KAZN: variants seen among roughly 807,000 people sequenced by gnomAD.
The protein encoded by KAZN is kazrin, periplakin interacting protein.
Under a neutral mutation model 87.4 loss-of-function variants are expected in KAZN, and 40 were observed. The observed-to-expected ratio is 0.46, with a 90% confidence interval of 0.36 to 0.60. KAZN has a LOEUF of 0.60. KAZN is among the 20% of genes least tolerant of loss of function. The pLI is 0.00. For missense variants in KAZN, 898 were observed against 1,073.9 expected (o/e 0.84, Z 2.29); for synonymous variants, 466 against 458.3 (o/e 1.02, Z -0.22).
chr1:14,057,315 A>G (rs1039196327), intron 1 of KAZN, among the ~76,000 whole-genome samples: 1 of 152,080 alleles, frequency 6.6e-6, no homozygotes, highest in African/African-American at 2.4e-5. Context: ...TTATATTTTT[A>G]GTAGAGACGG....
chr1:14,687,604 G>C (rs145681878), intron 1 of KAZN, among the ~76,000 whole-genome samples: 1 of 152,186 alleles, frequency 6.6e-6, no homozygotes, highest in Non-Finnish European at 1.5e-5. Flanking sequence ...AAGACACAAG[G>C]GGGGAGGATA....
At chr1:14,942,457 G>A (rs559710269) in intron 1 of KAZN, among the ~76,000 whole-genome samples, 6 of 152,190 alleles carry the variant, frequency 3.9e-5, no homozygotes, top group South Asian at 2.1e-4. Flanking sequence ...CTTCCGACCC[G>A]CTCCAAACGT....
intron 8 of KAZN, among the ~76,000 whole-genome samples, chr1:15,071,464 A>G (rs974062227): frequency 4.6e-5 from 7 of 152,120 alleles, no homozygotes; most frequent in African/African-American, 1.7e-4. Context: ...CATGTTGGCC[A>G]GGCTGATTTT....
chr1:14,294,082 G>T (rs1289888454), intron 2 of KAZN, among the ~76,000 whole-genome samples: 2 of 152,146 alleles, frequency 1.3e-5, no homozygotes, highest in Non-Finnish European at 2.9e-5. Context: ...TTACAGATGA[G>T]ATAACCAAAG....
chr1:15,030,333 T>A (rs887380178), intron 2 of KAZN, among the ~76,000 whole-genome samples: 1 of 152,180 alleles, frequency 6.6e-6, no homozygotes, highest in African/African-American at 2.4e-5. Context: ...AGTGGTGCAA[T>A]CTCGGCTCGC....
chr1:13,895,032 T>C (rs2697978), intron 1 of KAZN, among the ~76,000 whole-genome samples: 132,792 of 152,194 alleles, frequency 0.87, 58,318 homozygotes, highest in African/African-American at 0.97. Context: ...TGTAAAACGG[T>C]GCTACTAGGC....
intron 1 of KAZN, among the ~76,000 whole-genome samples, chr1:14,102,643 C>T (rs1644282798): frequency 6.6e-6 from 1 of 152,168 alleles, no homozygotes; most frequent in South Asian, 2.1e-4. Context: ...TTATCGTCTC[C>T]CATCCTGGTG....
At chr1:14,550,943 C>T (rs1406687020) in intron 2 of KAZN, among the ~76,000 whole-genome samples, 1 of 151,736 alleles carries the variant, frequency 6.6e-6, no homozygotes, top group East Asian at 1.9e-4. Flanking sequence ...GCAGTCTCCC[C>T]TCAATCCTTG....
chr1:14,685,255 T>A (rs1050447799), intron 1 of KAZN, among the ~76,000 whole-genome samples: 2 of 152,178 alleles, frequency 1.3e-5, no homozygotes, highest in East Asian at 1.9e-4. Context: ...GGAGCTGGTA[T>A]AGAGCATGCT....
At chr1:13,964,701 C>T (rs963112035) in intron 1 of KAZN, among the ~76,000 whole-genome samples, 2 of 152,164 alleles carry the variant, frequency 1.3e-5, no homozygotes, top group African/African-American at 4.8e-5. Flanking sequence ...ATCCCTTTTG[C>T]CGCATTCTGT....
chr1:14,967,687 T>C (rs1664611546), intron 2 of KAZN, among the ~76,000 whole-genome samples: 1 of 152,152 alleles, frequency 6.6e-6, no homozygotes, highest in African/African-American at 2.4e-5. Context: ...ATGTGGGGCC[T>C]TGACACACCG....
rs1449059487 is a variant in KAZN, at chr1:14,087,643, TGA to T, written c.92-92788_92-92787del. ...AAGTTCCTTTCTATTCTTATTTTGC[TGA>T]GAGTTTTTTTTATCAAGAGTGGCTG... is the stretch of plus-strand genomic sequence containing the variant. On this transcript the variant is annotated intron_variant, in intron 1 of 16. Coordinates refer to the KAZN transcript ENST00000636203. Among the ~76,000 whole-genome samples, 991 of 152,202 alleles carry T rather than the reference TGA, an allele frequency of 6.5e-3. 10 individuals carry two copies. The South Asian group carries it at 0.066, about 10-fold the overall frequency.
At chr1:14,736,574 G>T (rs1334261744) in intron 1 of KAZN, among the ~76,000 whole-genome samples, 1 of 132,904 alleles carries the variant, frequency 7.5e-6, no homozygotes, top group Non-Finnish European at 1.7e-5. Context: ...GCCTCCCAAA[G>T]TGCTGGGATT....
intron 1 of KAZN, among the ~76,000 whole-genome samples, chr1:14,792,738 G>A (rs1645713979): frequency 1.3e-5 from 2 of 152,196 alleles, no homozygotes; most frequent in South Asian, 2.1e-4. Context: ...AGCACTTTGG[G>A]AGGCCGAGGT....
rs1190665718 is a variant in KAZN, at chr1:14,948,077, T to TTGAAGAAAGAATAAGGTAGCCTTCAA, written c.227-12606_227-12581dup. On this transcript the variant is annotated intron_variant, in intron 1 of 14. Coordinates refer to ENST00000376030, the MANE Select transcript of KAZN (RefSeq NM_201628.3). ...TTGTCCATTTTTGCTCATCCAGTTT[T>TTGAAGAAAGAATAAGGTAGCCTTCAA]TGAAGAAAGAATAAGGTAGCCTTCA... Among the ~76,000 whole-genome samples the TTGAAGAAAGAATAAGGTAGCCTTCAA allele has an allele frequency of 3.9e-5, 6 of 152,318 alleles. No individual in the cohort carries two copies. In the South Asian group the frequency reaches 1.2e-3, roughly 32 times the overall value.
intron 2 of KAZN, among the ~76,000 whole-genome samples, chr1:14,269,996 C>G (rs547869677): frequency 2.2e-4 from 33 of 152,256 alleles, no homozygotes; most frequent in African/African-American, 6.7e-4. Flanking sequence ...CTGGGAAGTT[C>G]AGGATGCATA....
intron 1 of KAZN, among the ~76,000 whole-genome samples, chr1:13,993,602 C>T (rs1639379841): frequency 6.6e-6 from 1 of 152,186 alleles, no homozygotes; most frequent in Non-Finnish European, 1.5e-5. Context: ...TACATTAGGT[C>T]TTGAGATATA....
At position 14,888,233 on chromosome 1, in the gene KAZN, G is replaced by T. The variant is rs367718029; in HGVS notation, c.227-72451G>T. 1.5e-4 allele frequency among the ~76,000 whole-genome samples: 23 copies of T among 152,290 alleles called. 1 individual carries two copies. The highest frequency in any genetic ancestry group is 1.1e-3 in the Admixed American group (17 of 15,298). ...GGCACAGAGGCCTCTGCCCAGCCCG[G>T]CCTCCTTCCTCTCTCATCAGTCTCC... On this transcript the variant is annotated intron_variant, in intron 1 of 14. Coordinates refer to ENST00000376030, the MANE Select transcript of KAZN (RefSeq NM_201628.3).
chr1:14,223,400 T>C (rs1196508335), intron 2 of KAZN, among the ~76,000 whole-genome samples: 1 of 152,208 alleles, frequency 6.6e-6, no homozygotes, highest in Admixed American at 6.5e-5. Context: ...CTGTCTATTT[T>C]GGGTCTGTGT....
Sources: gnomAD v4.1 joint callset for allele counts (sites outside exome capture counted in the v4.1 genomes callset) on GRCh38, gnomAD v4.1.1 for gene constraint, MANE v1.5 for transcripts, NCBI Gene and HGNC (gene_info 2026-07-23, HGNC 2026-07-21) for gene names.